The following SORL1 variants were observed in gnomAD, a reference collection of about 807,000 sequenced individuals.
SORL1 encodes sortilin-related receptor.
Under a neutral mutation model 273.7 loss-of-function variants are expected in SORL1, and 127 were observed. That is an observed-to-expected ratio of 0.46 (90% CI 0.40 to 0.54). SORL1 has a LOEUF of 0.54. Ranked by LOEUF, SORL1 falls within the 20% of genes least tolerant of loss-of-function variation. The pLI, the probability that SORL1 is intolerant of heterozygous loss-of-function variation, is 0.00. For synonymous variants in SORL1, 1,031 were observed against 1,067.4 expected, an observed-to-expected ratio of 0.97 and a Z score of 0.66; for missense variants, 2,494 against 2,846.1, an observed-to-expected ratio of 0.88 and a Z score of 2.81.
chr11:121,555,135 A>C (rs775381879), intron 17 of SORL1, 52 bp from the exon 18 acceptor site: 6 of 1,557,174 alleles, frequency 3.9e-6, no homozygotes, highest in Non-Finnish European at 5.2e-6. Context: ...CTGACTTGGC[A>C]GGGGGTCGTT....
intron 46 of SORL1, chr11:121,626,841 G>A (rs544106404): frequency 2.0e-5 from 3 of 152,358 alleles, no homozygotes; most frequent in African/African-American, 4.8e-5. Context: ...GGGACGTGGG[G>A]CATGGCTTTG....
rs1352137985 is a variant in SORL1, at chr11:121,633,098, A to G, written c.*3535A>G. ...TAATAAAAGCCAGTGCATTAAGTTT[A>G]TATAGACTACTTTCTATGCAAGACT... On this transcript the variant is annotated 3_prime_UTR_variant, in exon 48 of 48. Transcript: ENST00000260197. 6.6e-6 allele frequency: 1 copy of G among 152,196 alleles called. No individual in the cohort carries two copies. Among genetic ancestry groups the G allele is most frequent in the Non-Finnish European group, 1.5e-5 (1 of 68,038 alleles). 9.4% of individuals were successfully genotyped at this position (152,196 alleles called of 1,614,324 possible).
chr11:121,573,248 T>A (rs1862874645), intron 23 of SORL1, among the ~76,000 whole-genome samples: 1 of 152,224 alleles, frequency 6.6e-6, no homozygotes. Flanking sequence ...TGTTCCCTGG[T>A]TTATCTTCAT....
chr11:121,498,505 C>T lies in SORL1; in HGVS notation c.939+1456C>T, dbSNP rs560350291. Among the ~76,000 whole-genome samples, 21 of 152,232 alleles carry T rather than the reference C, an allele frequency of 1.4e-4. No homozygotes were observed. In the South Asian group the frequency reaches 3.3e-3, roughly 24 times the overall value. On this transcript the variant is annotated intron_variant, in intron 6 of 47. Transcript: ENST00000260197. ...TGGTTTGTCCTCCTTTTTGCTTGAA[C>T]CAGGGCAGGATGGATAGCTGTTGTG...
At chr11:121,586,368 A>G (rs1863109106) in intron 27 of SORL1, 39 bp downstream of exon 27, 5 of 1,386,782 alleles carry the variant, frequency 3.6e-6, no homozygotes, top group Non-Finnish European at 5.1e-6. Flanking sequence ...ACTCAGGCCT[A>G]GTGATTATGA....
intron 32 of SORL1, among the ~76,000 whole-genome samples, chr11:121,598,839 C>T (rs1292227565): frequency 6.6e-6 from 1 of 152,172 alleles, no homozygotes; most frequent in South Asian, 2.1e-4. Context: ...GGACCCCCAT[C>T]GTTGATGCGT....
chr11:121,499,926 C>T (rs1011782754), intron 6 of SORL1, among the ~76,000 whole-genome samples: 11 of 152,246 alleles, frequency 7.2e-5, no homozygotes, highest in African/African-American at 1.4e-4. Flanking sequence ...CAGTCCTTTG[C>T]AAGCTACTGT....
chr11:121,560,717 AG>A (rs1862658908), intron 21 of SORL1, among the ~76,000 whole-genome samples: 1 of 152,248 alleles, frequency 6.6e-6, no homozygotes, highest in Non-Finnish European at 1.5e-5. Context: ...AGATAGCATG[AG>A]AACACCCTGG....
In SORL1 at chr11:121,595,734, A is replaced by G; in HGVS notation, c.4481A>G (p.His1494Arg). The part of the protein sequence containing the change: ...CIPNWKRCDG[H>R]QDCQDGRDEA... ...CCCAACTGGAAGCGCTGTGACGGCC[A>G]CCAAGATTGCCAGGATGGCCGGGAC... The change falls in exon 32 of 48, where the codon CAC becomes CGC. Residue 1494 changes from histidine (H) to arginine (R), a missense_variant. Transcript: ENST00000260197. The surrounding 1 kb of genome is among the most constrained non-coding windows in gnomAD (Gnocchi z 5.1). The G allele has an allele frequency of 3.1e-6, 5 of 1,613,970 alleles. No homozygotes were observed. The highest frequency in any genetic ancestry group is 4.2e-6 in the Non-Finnish European group (5 of 1,180,042).
intron 11 of SORL1, among the ~76,000 whole-genome samples, chr11:121,523,881 G>A (rs1862080617): frequency 6.6e-6 from 1 of 152,160 alleles, no homozygotes; most frequent in Non-Finnish European, 1.5e-5. Context: ...TGCTTTACTG[G>A]GAATGCACCA....
intron 9 of SORL1, 95 bp downstream of exon 9, chr11:121,520,944 C>A: frequency 2.5e-6 from 2 of 787,106 alleles, no homozygotes; most frequent in Non-Finnish European, 3.8e-6. Flanking sequence ...TGAAAAAATA[C>A]AAGATCACAT....
intron 1 of SORL1, among the ~76,000 whole-genome samples, chr11:121,469,112 C>T (rs751127464): frequency 6.6e-5 from 10 of 152,176 alleles, no homozygotes; most frequent in Non-Finnish European, 1.0e-4. Context: ...AGCCTCCTTC[C>T]GTCTTCGGCT....
chr11:121,608,141 G>C lies in SORL1; in HGVS notation c.5204G>C (p.Ser1735Thr). ...ACTAGTCGTGGAATAGGAAACTGGA[G>C]CGATTCTAAATCCATTACCACCATA... ...AVTSRGIGNW[S>T]DSKSITTIKG... is the part of the protein sequence containing the mutation. Residue 1735 changes from serine (S) to threonine (T), a missense_variant, in exon 38 of 48, where the codon AGC (serine) becomes ACC (threonine). Transcript: ENST00000260197. The C allele has an allele frequency of 6.2e-7, 1 of 1,614,090 alleles. No individual in the cohort carries two copies. Among genetic ancestry groups the C allele is most frequent in the Non-Finnish European group, 8.5e-7 (1 of 1,179,938 alleles).
chr11:121,479,523 C>T (rs1296480763), intron 3 of SORL1, among the ~76,000 whole-genome samples: 2 of 152,114 alleles, frequency 1.3e-5, no homozygotes, highest in African/African-American at 4.8e-5. Flanking sequence ...AAATATTTAG[C>T]GACTGGTGTG....
chr11:121,478,329 G>T lies in SORL1; in HGVS notation c.528+86G>T, dbSNP rs978122057. On this transcript the variant is annotated intron_variant, in intron 3 of 47. Transcript: ENST00000260197. Reference sequence around the variant, plus strand: ...CGCACTTAAGGGGGTGCTAGGAGATGGCGCTCTCTGTGATCTTTGTAGCAT... The same window carrying T: ...CGCACTTAAGGGGGTGCTAGGAGATTGCGCTCTCTGTGATCTTTGTAGCAT... 8.3e-6 allele frequency: 12 copies of T among 1,438,772 alleles called. No individual in the cohort carries two copies. In the Admixed American group the frequency reaches 2.6e-4, roughly 32 times the overall value. 89.1% of individuals were successfully genotyped at this position (1,438,772 alleles called of 1,614,324 possible).
chr11:121,492,089 G>A (rs944803151), intron 5 of SORL1, among the ~76,000 whole-genome samples: 1 of 152,094 alleles, frequency 6.6e-6, no homozygotes, highest in Non-Finnish European at 1.5e-5. Context: ...GGCCAAGTGC[G>A]GTGGCTCATG....
At chr11:121,569,539 G>A (rs1045172461) in intron 22 of SORL1, among the ~76,000 whole-genome samples, 14 of 152,148 alleles carry the variant, frequency 9.2e-5, no homozygotes, top group Non-Finnish European at 1.3e-4. Flanking sequence ...TTTTATGGTC[G>A]AAGCTGTAGG....
chr11:121,454,487 T>C (rs2134760092), intron 1 of SORL1, among the ~76,000 whole-genome samples: 1 of 152,274 alleles, frequency 6.6e-6, no homozygotes, highest in East Asian at 1.9e-4. Flanking sequence ...CCCTGGGCTT[T>C]TGAGTTTCTG....
At chr11:121,548,494 A>G (rs1440897674) in intron 14 of SORL1, among the ~76,000 whole-genome samples, 1 of 152,284 alleles carries the variant, frequency 6.6e-6, no homozygotes, top group Admixed American at 6.5e-5. Context: ...TATAATGCAC[A>G]CAAATCACTC....
Sources: gnomAD v4.1 joint callset for allele counts (sites outside exome capture counted in the v4.1 genomes callset) on GRCh38, gnomAD v4.1.1 for gene constraint, Gnocchi (gnomAD v3.1) non-coding constraint, MANE v1.5 for transcripts, NCBI Gene and HGNC (gene_info 2026-07-23, HGNC 2026-07-21) for gene names.